Variants in VWA5B1 observed in about 807,000 individuals in gnomAD.
VWA5B1 encodes the protein von Willebrand factor A domain containing 5B1, also known as von Willebrand factor A domain-containing protein 5B1.
Under a neutral mutation model 118.2 loss-of-function variants are expected in VWA5B1, and 115 were observed. The observed-to-expected ratio is 0.97, with a 90% CI of 0.84 to 1.14. The LOEUF is 1.14. VWA5B1 is among the 50% of genes most tolerant of loss of function. The probability of loss-of-function intolerance (pLI) is 0.00; values close to 1 mark genes in which losing one functional copy is unlikely to be tolerated. For synonymous variants in VWA5B1, 682 were observed against 658.4 expected, an observed-to-expected ratio of 1.04 and a Z score of -0.55; for missense variants, 1,596 against 1,603.8, an observed-to-expected ratio of 1.00 and a Z score of 0.08.
At position 20,357,484 on chromosome 1, in the gene VWA5B1, C is replaced by T. The variant is rs2090250326; in HGVS notation, c.*3221C>T. On this transcript the variant is annotated 3_prime_UTR_variant, in exon 22 of 22. Transcript: ENST00000289815. ...AGGCTCCGAGCAGGTGACCCAGCAG[C>T]AGCTCTTCTCTGGTTACTAGGTCGC... is the stretch of plus-strand genomic sequence containing the variant. 6.6e-6 allele frequency among the ~76,000 whole-genome samples: 1 copy of T among 152,226 alleles called. No individual in the cohort carries two copies. Among genetic ancestry groups the T allele is most frequent in the Admixed American group, 6.5e-5 (1 of 15,288 alleles).
chr1:20,337,766 G>T lies in VWA5B1; in HGVS notation c.2063G>T (p.Arg688Leu). The change falls in exon 14 of 22, where the codon CGG becomes CTG. Residue 688 changes from arginine to leucine, a missense_variant. Physicochemically the swap from Arg to Leu is moderately radical, Grantham distance 102. Coordinates refer to ENST00000289815, the MANE Select transcript of VWA5B1 (RefSeq NM_001039500.3). Reference protein sequence around the residue: ...PMPAAKRYPLRKARLQDLTNQ... With the variant: ...PMPAAKRYPLLKARLQDLTNQ... ...CCAGCTGCCAAGAGATACCCACTGC[G>T]GAAAGCCAGGCTGCAGGACCTCACC... 1 of 1,551,790 alleles carries T rather than the reference G, an allele frequency of 6.4e-7. No individual in the cohort carries two copies. The highest frequency in any genetic ancestry group is 8.7e-7 in the Non-Finnish European group (1 of 1,147,024).
In VWA5B1 at chr1:20,354,037, C is replaced by T. The variant is rs567129327; in HGVS notation, c.3422C>T (p.Ala1141Val). 4 of 1,551,652 alleles carry T rather than the reference C, an allele frequency of 2.6e-6. No homozygotes were observed. In the South Asian group the frequency reaches 3.6e-5, roughly 14 times the overall value. The change falls in exon 22 of 22, where the codon GCC (alanine) becomes GTC (valine). Residue 1141 changes from alanine to valine, a missense_variant. Coordinates refer to ENST00000289815, the MANE Select transcript of VWA5B1 (RefSeq NM_001039500.3). Reference protein sequence around the residue: ...AVVEHTGKLWATVVGLAWLEH... With the variant: ...AVVEHTGKLWVTVVGLAWLEH... ...GTGGAGCACACTGGGAAGCTGTGGG[C>T]CACGGTGGTGGGGCTGGCATGGCTG...
chr1:20,331,033 C>CTCAG (rs1356076616), intron 11 of VWA5B1, 50 bp downstream of exon 11: 2 of 1,455,052 alleles, frequency 1.4e-6, no homozygotes, highest in African/African-American at 2.8e-5. Flanking sequence ...ACCTCAGAGG[C>CTCAG]TCAGACCAGT....
chr1:20,299,731 C>T (rs997482550), intron 1 of VWA5B1, among the ~76,000 whole-genome samples: 1 of 152,190 alleles, frequency 6.6e-6, no homozygotes, highest in African/African-American at 2.4e-5. Flanking sequence ...GAAATGACTT[C>T]GAAGTGGGAG....
intron 7 of VWA5B1, among the ~76,000 whole-genome samples, chr1:20,321,738 G>A (rs765802732): frequency 8.6e-5 from 13 of 151,882 alleles, no homozygotes; most frequent in Non-Finnish European, 1.8e-4. Context: ...AGCCCAACGT[G>A]GGAGGAATGG....
chr1:20,336,695 G>T (rs750251071), intron 13 of VWA5B1, among the ~76,000 whole-genome samples: 1 of 152,110 alleles, frequency 6.6e-6, no homozygotes, highest in South Asian at 2.1e-4. Flanking sequence ...CAAAGAGTCC[G>T]GATCTATCTG....
chr1:20,317,270 GC>G (rs2100862564), intron 4 of VWA5B1, among the ~76,000 whole-genome samples: 1 of 152,182 alleles, frequency 6.6e-6, no homozygotes, highest in South Asian at 2.1e-4. Context: ...TCCCAGAGCT[GC>G]GGTGAGAACG....
Position 20,344,473 on chromosome 1 carries a change from G to C in VWA5B1, c.2627-983G>C, listed in dbSNP as rs551836523. 1.7e-4 allele frequency among the ~76,000 whole-genome samples: 26 copies of C among 152,332 alleles called. No homozygotes were observed. In the South Asian group the frequency reaches 3.7e-3, roughly 22 times the overall value. ...ATCCCTTCCTTACCCATGAGTGCTT[G>C]ACAAACTAGCAGGGAAGCCAGCATT... is the stretch of plus-strand genomic sequence containing the variant. On this transcript the variant is annotated intron_variant, in intron 16 of 21. Coordinates refer to ENST00000289815, the MANE Select transcript of VWA5B1 (RefSeq NM_001039500.3).
chr1:20,318,322 T>C (rs574363200), intron 5 of VWA5B1: 1 of 511,916 alleles, frequency 2.0e-6, no homozygotes, highest in South Asian at 2.0e-5. Context: ...CTGGGATCAG[T>C]GCGTGCCCTA....
chr1:20,354,498 A>C lies in VWA5B1; in HGVS notation c.*235A>C. On this transcript the variant is annotated 3_prime_UTR_variant, in exon 22 of 22. Transcript: ENST00000289815. Reference sequence around the variant, plus strand: ...TGGGCCTCAGTTTCCTCATCTATAAAATAAGAGGGCGAGATGAAGGAGGTG... The same window carrying C: ...TGGGCCTCAGTTTCCTCATCTATAACATAAGAGGGCGAGATGAAGGAGGTG... The C allele has an allele frequency of 1.8e-6, 1 of 560,312 alleles. No individual in the cohort carries two copies. Among genetic ancestry groups the C allele is most frequent in the South Asian group, 2.2e-5 (1 of 45,270 alleles). The allele number at this position is 560,312 out of a possible 1,614,324, so 34.7% of individuals were successfully genotyped here.
At position 20,330,341 on chromosome 1, in the gene VWA5B1, G is replaced by A. The variant is rs374467436; in HGVS notation, c.1416G>A (p.Gly472=). 2.3e-4 allele frequency: 357 copies of A among 1,551,672 alleles called. 1 individual carries two copies. Among genetic ancestry groups the A allele is most frequent in the South Asian group, 8.1e-4 (68 of 84,070 alleles). Reference sequence around the variant, plus strand: ...CAGATGGCGCTGTCAACAACACAGGGAAGGTGCTGGAGCTGGTGCGAAATC... The same window carrying A: ...CAGATGGCGCTGTCAACAACACAGGAAAGGTGCTGGAGCTGGTGCGAAATC... ...VITDGAVNNT[G]KVLELVRNHA... is the part of the protein sequence containing the mutation. Residue 472 remains glycine (G), a synonymous_variant, in exon 10 of 22, where the codon GGG becomes GGA. Transcript: ENST00000289815.
intron 1 of VWA5B1, among the ~76,000 whole-genome samples, chr1:20,293,484 C>T (rs1408466113): frequency 1.3e-5 from 2 of 152,214 alleles, no homozygotes. Context: ...TAAATACCTA[C>T]CTGGGTTTCT....
At chr1:20,347,260 CAG>C (rs2090026432) in intron 17 of VWA5B1, among the ~76,000 whole-genome samples, 1 of 152,226 alleles carries the variant, frequency 6.6e-6, no homozygotes, top group Non-Finnish European at 1.5e-5. Flanking sequence ...CAGAACTTCT[CAG>C]AGCATTTTGT....
At position 20,342,592 on chromosome 1, in the gene VWA5B1, G is replaced by A. The variant is rs1192159088; in HGVS notation, c.2294G>A (p.Arg765Gln). The change falls in exon 15 of 22, where the codon CGA becomes CAA. Residue 765 changes from arginine to glutamine, a missense_variant. Arg to Gln is a conservative substitution (Grantham distance 43). Transcript: ENST00000289815. ...GTGAGAGAGCGGACTTCTGACAGCC[G>A]AAGCCCTGGAGATCTGGGTAAGTGA... Reference protein sequence around the residue: ...SPVRERTSDSRSPGDLEPSHH... With the variant: ...SPVRERTSDSQSPGDLEPSHH... The A allele has an allele frequency of 1.4e-5, 21 of 1,495,500 alleles. No individual in the cohort carries two copies. Among genetic ancestry groups the A allele is most frequent in the South Asian group, 6.7e-5 (5 of 74,252 alleles). The allele number at this position is 1,495,500 out of a possible 1,614,324, so 92.6% of individuals were successfully genotyped here.
intron 21 of VWA5B1, 96 bp downstream of exon 21, chr1:20,352,268 G>A: frequency 1.1e-6 from 1 of 945,806 alleles, no homozygotes; most frequent in East Asian, 2.8e-5. Context: ...CTTCCTCAAA[G>A]AGAAGAAGGC....
chr1:20,330,899 C>T lies in VWA5B1; in HGVS notation c.1488C>T (p.Val496=). ...RCYSFGIGPN[V]CHRLVKGLAS... is the part of the protein sequence containing the mutation. ...ATAGCTTTGGAATTGGACCCAACGTCTGCCACAGACTGGTGAAAGGACTGG... is the reference window on the plus strand; with the variant it reads ...ATAGCTTTGGAATTGGACCCAACGTTTGCCACAGACTGGTGAAAGGACTGG... Residue 496 remains valine (V), a synonymous_variant, in exon 11 of 22, where the codon GTC becomes GTT. Transcript: ENST00000289815. The T allele has an allele frequency of 6.4e-7, 1 of 1,551,780 alleles. No homozygotes were observed. The highest frequency in any genetic ancestry group is 8.7e-7 in the Non-Finnish European group (1 of 1,147,024).
At chr1:20,340,851 C>T (rs1162433508) in intron 14 of VWA5B1, among the ~76,000 whole-genome samples, 1 of 152,214 alleles carries the variant, frequency 6.6e-6, no homozygotes, top group Non-Finnish European at 1.5e-5. Flanking sequence ...CACATGCATA[C>T]ACTATACACG....
Position 20,354,172 on chromosome 1 carries a change from A to G in VWA5B1, c.3557A>G (p.Lys1186Arg), listed in dbSNP as rs1420726718. Residue 1186 changes from lysine to arginine, a missense_variant, in exon 22 of 22, where the codon AAG becomes AGG. By Grantham distance (26) the Lys-to-Arg change is conservative. Transcript: ENST00000289815. ...GAGGGCCGCACGCAGGGCACACTCA[A>G]GGCCGCTGCCCGCCAGCTGTTTGTG... ...VPEGRTQGTLKAAARQLFVLL... is the reference protein window; with the variant it reads ...VPEGRTQGTLRAAARQLFVLL... 6.4e-7 allele frequency: 1 copy of G among 1,551,278 alleles called. No homozygotes were observed. Among genetic ancestry groups the G allele is most frequent in the Non-Finnish European group, 8.7e-7 (1 of 1,146,994 alleles).
chr1:20,337,533 C>A, intron 13 of VWA5B1, 113 bp from the exon 14 acceptor site: 1 of 1,235,440 alleles, frequency 8.1e-7, no homozygotes, highest in Non-Finnish European at 1.1e-6. Flanking sequence ...GCATATATTT[C>A]AGTAGGCAAG....
Sources: gnomAD v4.1 joint callset for allele counts (sites outside exome capture counted in the v4.1 genomes callset) on GRCh38, gnomAD v4.1.1 for gene constraint, MANE v1.5 for transcripts, NCBI Gene and HGNC (gene_info 2026-07-23, HGNC 2026-07-21) for gene names.